SHROOM3: variants seen among roughly 807,000 people sequenced by gnomAD.
The protein encoded by SHROOM3 is protein Shroom3.
SHROOM3 carries 47 observed loss-of-function variants against 138.6 expected under a neutral mutation model. The observed-to-expected ratio is 0.34, with a 90% CI of 0.27 to 0.43. The LOEUF is 0.43. Among genes scored for constraint, SHROOM3 ranks in the 20% least tolerant of loss-of-function variants. The pLI is 1.00. For synonymous variants in SHROOM3, 1,062 were observed against 1,063.3 expected (o/e 1.00, Z 0.02); for missense variants, 2,491 against 2,596.5 (o/e 0.96, Z 0.88).
chr4:76,769,369 A>G (rs1387585008), intron 9 of SHROOM3, among the ~76,000 whole-genome samples: 1 of 152,072 alleles, frequency 6.6e-6, no homozygotes, highest in Non-Finnish European at 1.5e-5. Flanking sequence ...ACTAAAAAAG[A>G]TTGTCTTCTT....
chr4:76,575,354 A>G (rs1733917112), intron 2 of SHROOM3, among the ~76,000 whole-genome samples: 1 of 152,218 alleles, frequency 6.6e-6, no homozygotes. Flanking sequence ...AGTCCTAGCT[A>G]GAGCAATTAG....
chr4:76,561,229 T>C (rs1249387671), intron 2 of SHROOM3, among the ~76,000 whole-genome samples: 2 of 152,194 alleles, frequency 1.3e-5, no homozygotes, highest in African/African-American at 4.8e-5. Context: ...AGTTGATGTG[T>C]TGGAAGGAAA....
In SHROOM3 at chr4:76,483,995, G is replaced by C. The variant is rs530629297; in HGVS notation, c.168+47775G>C. Among the ~76,000 whole-genome samples, 4 of 152,026 alleles carry C rather than the reference G, an allele frequency of 2.6e-5. No homozygotes were observed. The South Asian group carries it at 8.4e-4, about 32-fold the overall frequency. On this transcript the variant is annotated intron_variant, in intron 1 of 10. Coordinates refer to ENST00000296043, the MANE Select transcript of SHROOM3 (RefSeq NM_020859.4). Reference sequence around the variant, plus strand: ...TATTACTTACTGGGGCCTGTGGTGGGGTGGGGGGCTAGGGGAGGGATAGCA... The same window carrying C: ...TATTACTTACTGGGGCCTGTGGTGGCGTGGGGGGCTAGGGGAGGGATAGCA...
intron 2 of SHROOM3, among the ~76,000 whole-genome samples, chr4:76,691,009 A>G (rs1719516572): frequency 1.3e-5 from 2 of 152,208 alleles, no homozygotes; most frequent in South Asian, 4.1e-4. Context: ...CTCTTGAATC[A>G]ACTTCCCACA....
intron 6 of SHROOM3, among the ~76,000 whole-genome samples, chr4:76,751,539 C>G (rs1290262268): frequency 6.6e-6 from 1 of 152,164 alleles, no homozygotes; most frequent in African/African-American, 2.4e-5. Context: ...CAAACATTCT[C>G]CACTCTTTTT....
At chr4:76,546,190 C>T (rs1437268800) in intron 1 of SHROOM3, among the ~76,000 whole-genome samples, 1 of 152,114 alleles carries the variant, frequency 6.6e-6, no homozygotes, top group Non-Finnish European at 1.5e-5. Flanking sequence ...AGAGACCCAT[C>T]CAGGGTCCTG....
At chr4:76,688,515 G>A in intron 2 of SHROOM3, 1 of 985,264 alleles carries the variant, frequency 1.0e-6, no homozygotes, top group Non-Finnish European at 1.2e-6. Flanking sequence ...TGAGAATAAA[G>A]CCAATTTCAA....
chr4:76,734,798 C>G (rs1720986069), intron 4 of SHROOM3, among the ~76,000 whole-genome samples: 1 of 152,114 alleles, frequency 6.6e-6, no homozygotes, highest in African/African-American at 2.4e-5. Context: ...ATTATAGATA[C>G]AGTCAAAGTC....
chr4:76,665,588 G>A (rs139241310), intron 2 of SHROOM3, among the ~76,000 whole-genome samples: 112 of 152,274 alleles, frequency 7.4e-4, no homozygotes, highest in African/African-American at 2.5e-3. Context: ...TAATTAAAAT[G>A]GTGTTTTGTG....
intron 2 of SHROOM3, among the ~76,000 whole-genome samples, chr4:76,592,247 G>A (rs980106017): frequency 6.6e-6 from 1 of 152,178 alleles, no homozygotes; most frequent in African/African-American, 2.4e-5. Context: ...GCAGAATGTG[G>A]CGGGGCAGAG....
At chr4:76,539,159 A>G (rs17002066) in intron 1 of SHROOM3, among the ~76,000 whole-genome samples, 4,927 of 152,294 alleles carry the variant, frequency 0.032, 283 homozygotes, top group African/African-American at 0.11. Flanking sequence ...TACCTCATAA[A>G]TATTGGTGAG....
intron 3 of SHROOM3, among the ~76,000 whole-genome samples, chr4:76,711,119 A>G (rs1289764495): frequency 6.6e-6 from 1 of 152,224 alleles, no homozygotes; most frequent in Non-Finnish European, 1.5e-5. Context: ...AAAAGTCTGT[A>G]TGATATCATG....
intron 2 of SHROOM3, among the ~76,000 whole-genome samples, chr4:76,560,775 C>A (rs1250868529): frequency 6.6e-6 from 1 of 152,104 alleles, no homozygotes; most frequent in East Asian, 1.9e-4. Flanking sequence ...AGAGAGGATA[C>A]CTGAGATAGC....
intron 2 of SHROOM3, chr4:76,638,918 T>C (rs1228331618): frequency 6.6e-6 from 1 of 152,198 alleles, no homozygotes; most frequent in African/African-American, 2.4e-5. Flanking sequence ...CCTAAAACTT[T>C]TGCTAACCCT....
intron 10 of SHROOM3, among the ~76,000 whole-genome samples, chr4:76,772,586 A>G (rs1256547122): frequency 6.6e-6 from 1 of 152,254 alleles, no homozygotes; most frequent in Non-Finnish European, 1.5e-5. Flanking sequence ...CACTCTCAGC[A>G]TCTTCCTCGT....
At chr4:76,595,589 A>C (rs1286166442) in intron 2 of SHROOM3, among the ~76,000 whole-genome samples, 1 of 150,940 alleles carries the variant, frequency 6.6e-6, no homozygotes, top group Non-Finnish European at 1.5e-5. Flanking sequence ...CCTCCTGCAA[A>C]CTCTCTTTTT....
intron 1 of SHROOM3, among the ~76,000 whole-genome samples, chr4:76,439,292 C>T (rs746601497): frequency 2.0e-4 from 31 of 152,162 alleles, no homozygotes; most frequent in Non-Finnish European, 4.3e-4. Flanking sequence ...CTTGTGAGTA[C>T]CTTGGACCTA....
rs1445262444 is a variant in SHROOM3, at chr4:76,543,464, A to G, written c.169-12145A>G. ...AGTTTTTATTTGTTTGTTTCATCCTATCACTGGTAAGACAATATTTGTATC... is the reference window on the plus strand; with the variant it reads ...AGTTTTTATTTGTTTGTTTCATCCTGTCACTGGTAAGACAATATTTGTATC... On this transcript the variant is annotated intron_variant, in intron 1 of 10. Transcript: ENST00000296043. 2.0e-5 allele frequency among the ~76,000 whole-genome samples: 3 copies of G among 152,184 alleles called. No homozygotes were observed. The East Asian group carries it at 5.8e-4, about 29-fold the overall frequency.
intron 10 of SHROOM3, among the ~76,000 whole-genome samples, chr4:76,772,482 A>C (rs1722396413): frequency 6.6e-6 from 1 of 152,232 alleles, no homozygotes; most frequent in African/African-American, 2.4e-5. Flanking sequence ...AAAAGGAAAG[A>C]GGTCCTTTTT....
Sources: allele counts gnomAD v4.1 joint callset (sites outside exome capture counted in the v4.1 genomes callset), GRCh38; gene constraint gnomAD v4.1.1; transcripts MANE v1.5; gene names NCBI Gene and HGNC (gene_info 2026-07-23, HGNC 2026-07-21).